Variants in SRPK2 observed in about 807,000 individuals in gnomAD.
SRPK2 encodes the protein SFRS protein kinase 2.
In SRPK2, 21 loss-of-function variants were observed where a neutral mutation model predicts 90.8. That is an observed-to-expected ratio of 0.23 (90% CI 0.16 to 0.33). The LOEUF (loss-of-function observed/expected upper bound fraction) is 0.33, where lower values mean the gene tolerates loss of function less well. SRPK2 is among the 10% of genes least tolerant of loss of function. The pLI, the probability that SRPK2 is intolerant of heterozygous loss-of-function variation, is 1.00. For missense variants in SRPK2, 620 were observed against 869.0 expected, an observed-to-expected ratio of 0.71 and a Z score of 3.60; for synonymous variants, 288 against 311.1, an observed-to-expected ratio of 0.93 and a Z score of 0.78.
chr7:105,381,300 G>C (rs1820920652), intron 2 of SRPK2, among the ~76,000 whole-genome samples: 1 of 152,048 alleles, frequency 6.6e-6, no homozygotes, highest in Admixed American at 6.6e-5. Flanking sequence ...AATCTGGCCA[G>C]GCGCAGTGGC....
chr7:105,174,123 A>G (rs575310124), intron 3 of SRPK2, among the ~76,000 whole-genome samples: 1 of 151,876 alleles, frequency 6.6e-6, no homozygotes, highest in East Asian at 1.9e-4. Flanking sequence ...AAACACAAAG[A>G]GAACAAGAAC....
intron 2 of SRPK2, among the ~76,000 whole-genome samples, chr7:105,360,928 G>GTCC (rs2132253782): frequency 6.6e-6 from 1 of 152,264 alleles, no homozygotes; most frequent in African/African-American, 2.4e-5. Context: ...AGACAAGGAT[G>GTCC]TCCTCTCTCA....
chr7:105,202,667 T>G (rs1010892559), intron 3 of SRPK2, among the ~76,000 whole-genome samples: 1 of 152,244 alleles, frequency 6.6e-6, no homozygotes, highest in East Asian at 1.9e-4. Context: ...TCCACTTGAA[T>G]AGTTTCTGTG....
chr7:105,145,179 G>T, intron 9 of SRPK2, 104 bp downstream of exon 9: 5 of 702,576 alleles, frequency 7.1e-6, no homozygotes, highest in Admixed American at 3.9e-5. Context: ...TTTTATAAAT[G>T]TGTCTACCCT....
chr7:105,382,125 G>A (rs917789639), intron 2 of SRPK2, among the ~76,000 whole-genome samples: 81 of 151,712 alleles, frequency 5.3e-4, no homozygotes, highest in African/African-American at 1.6e-3. Context: ...CCATGATTGC[G>A]CCAGTGCACT....
intron 2 of SRPK2, among the ~76,000 whole-genome samples, chr7:105,371,107 C>CA (rs1400375912): frequency 6.6e-6 from 1 of 151,902 alleles, no homozygotes; most frequent in Non-Finnish European, 1.5e-5. Context: ...CAGTATCCCT[C>CA]AAAAAAGTAG....
rs186403428 is a variant in SRPK2 at position 105,196,370 on chromosome 7, C to T, written c.229+7258G>A. Among the ~76,000 whole-genome samples the T allele has an allele frequency of 9.5e-4, 144 of 152,324 alleles. 2 individuals are homozygous for T. Among genetic ancestry groups the T allele is most frequent in the Middle Eastern group, 6.8e-3 (2 of 294 alleles). On this transcript the variant is annotated intron_variant, in intron 3 of 15. Coordinates refer to ENST00000393651, the MANE Select transcript of SRPK2 (RefSeq NM_182692.3). Reference sequence around the variant, plus strand: ...AAAGGAACAGAAAGTAAAGACCACACGTCTATAAAATACTTCAGCCACACA... The same window carrying T: ...AAAGGAACAGAAAGTAAAGACCACATGTCTATAAAATACTTCAGCCACACA...
At chr7:105,161,575 C>T (rs1053652125) in intron 6 of SRPK2, among the ~76,000 whole-genome samples, 1 of 152,080 alleles carries the variant, frequency 6.6e-6, no homozygotes, top group African/African-American at 2.4e-5. Context: ...CACTGAGCTG[C>T]ACTCTCACCC....
intron 2 of SRPK2, among the ~76,000 whole-genome samples, chr7:105,212,429 T>A (rs1796970320): frequency 6.6e-6 from 1 of 152,146 alleles, no homozygotes; most frequent in South Asian, 2.1e-4. Context: ...GAGGTGATCT[T>A]ACAGACTGGC....
At chr7:105,268,759 T>C in intron 2 of SRPK2, 1 of 1,550,592 alleles carries the variant, frequency 6.4e-7, no homozygotes, top group Non-Finnish European at 8.8e-7. Context: ...GTTTGTTTCT[T>C]AGCAATGCTA....
At chr7:105,358,205 C>T (rs1213008078) in intron 2 of SRPK2, among the ~76,000 whole-genome samples, 1 of 114,962 alleles carries the variant, frequency 8.7e-6, no homozygotes, top group Non-Finnish European at 1.6e-5. Context: ...GCCTGGGCAA[C>T]AGAGCGAGAC....
intron 2 of SRPK2, among the ~76,000 whole-genome samples, chr7:105,342,054 G>A (rs1190224236): frequency 7.9e-5 from 12 of 151,946 alleles, no homozygotes; most frequent in Admixed American, 3.9e-4. Context: ...AGCTGAGGTC[G>A]GGAGATCGAG....
intron 6 of SRPK2, among the ~76,000 whole-genome samples, chr7:105,163,445 G>C (rs1807995177): frequency 6.6e-6 from 1 of 152,132 alleles, no homozygotes; most frequent in Non-Finnish European, 1.5e-5. Flanking sequence ...GAAGGGATGA[G>C]ATAATGTTGA....
At chr7:105,188,113 TAAC>T (rs1585106382) in intron 3 of SRPK2, among the ~76,000 whole-genome samples, 1 of 152,218 alleles carries the variant, frequency 6.6e-6, no homozygotes, top group East Asian at 1.9e-4. Flanking sequence ...CCAAAAGTGA[TAAC>T]AACCCAAATG....
intron 2 of SRPK2, among the ~76,000 whole-genome samples, chr7:105,246,932 T>A (rs994236297): frequency 6.6e-6 from 1 of 152,140 alleles, no homozygotes; most frequent in Admixed American, 6.5e-5. Flanking sequence ...TAGCTCAAAT[T>A]CTTCCAAGAG....
At chr7:105,194,486 T>C (rs1368948655) in intron 3 of SRPK2, among the ~76,000 whole-genome samples, 1 of 152,124 alleles carries the variant, frequency 6.6e-6, no homozygotes, top group Non-Finnish European at 1.5e-5. Flanking sequence ...CAAACACTAA[T>C]AAATAAGCAA....
intron 15 of SRPK2, 118 bp downstream of exon 15, chr7:105,126,130 T>A (rs1250012113): frequency 6.9e-6 from 6 of 872,226 alleles, no homozygotes; most frequent in Non-Finnish European, 1.1e-5. Context: ...ATAGGAATTC[T>A]GCTGGGTTGC....
At chr7:105,124,640 T>TCAAAAAAAAA (rs71519197) in intron 15 of SRPK2, among the ~76,000 whole-genome samples, 1 of 52,926 alleles carries the variant, frequency 1.9e-5, no homozygotes, top group African/African-American at 6.2e-5. Flanking sequence ...AAACTCCATC[T>TCAAAAAAAAA]AAAAAAAAAA....
At chr7:105,135,275 G>A (rs976938086) in intron 11 of SRPK2, among the ~76,000 whole-genome samples, 7 of 152,122 alleles carry the variant, frequency 4.6e-5, no homozygotes, top group African/African-American at 1.7e-4. Context: ...AAGAAGAATC[G>A]GAAGGGACCA....
Sources: gnomAD v4.1 joint callset for allele counts (sites outside exome capture counted in the v4.1 genomes callset) on GRCh38, gnomAD v4.1.1 for gene constraint, MANE v1.5 for transcripts, NCBI Gene and HGNC (gene_info 2026-07-23, HGNC 2026-07-21) for gene names.